TMEM230: variants seen among roughly 807,000 people sequenced by gnomAD.
TMEM230 encodes the protein transmembrane protein 230.
In TMEM230, 10 loss-of-function variants were observed where a neutral mutation model predicts 15.8. That is an observed-to-expected ratio of 0.63 (90% CI 0.39 to 1.07). TMEM230 has a LOEUF of 1.07. Ranked by LOEUF, TMEM230 falls within the 50% of genes least tolerant of loss-of-function variation. TMEM230 has a pLI of 0.01. For missense variants in TMEM230, 165 were observed against 193.3 expected, an observed-to-expected ratio of 0.85 and a Z score of 0.87; for synonymous variants, 67 against 76.9, an observed-to-expected ratio of 0.87 and a Z score of 0.68.
At chr20:5,112,743 C>T in intron 1 of TMEM230, 8 of 1,451,792 alleles carry the variant, frequency 5.5e-6, no homozygotes, top group Non-Finnish European at 7.2e-6. Context: ...ATTCTCCTAC[C>T]CGTCTTCAGA....
the TMEM230 span, chr20:5,061,447 C>T: frequency 1.3e-5 from 2 of 152,354 alleles, no homozygotes; most frequent in South Asian, 2.1e-4. Flanking sequence ...CCCTGAGTCA[C>T]ATCCTGCATT....
chr20:5,086,915 C>T lies in TMEM230; in HGVS notation c.223-17566G>A, dbSNP rs368750790. 2.5e-3 allele frequency among the ~76,000 whole-genome samples: 386 copies of T among 152,120 alleles called. 3 individuals are homozygous for T. The highest frequency in any genetic ancestry group is 8.9e-3 in the African/African-American group (371 of 41,514). On this transcript the variant is annotated intron_variant, in intron 3 of 3. Coordinates refer to the TMEM230 transcript ENST00000612323. ...TTTGACACAGAGTCCCACTCTGTCC[C>T]CCAGGCTGAGTGCAGTGGTGTGACC... is the stretch of plus-strand genomic sequence containing the variant.
At chr20:5,078,865 C>G (rs1403248242) in intron 3 of TMEM230, among the ~76,000 whole-genome samples, 1 of 152,156 alleles carries the variant, frequency 6.6e-6, no homozygotes, top group African/African-American at 2.4e-5. Context: ...TCATGGTTCC[C>G]TGCAGCCTCA....
intron 3 of TMEM230, among the ~76,000 whole-genome samples, chr20:5,081,435 C>T (rs2089170534): frequency 6.6e-6 from 1 of 152,160 alleles, no homozygotes; most frequent in East Asian, 1.9e-4. Flanking sequence ...GTCTGGCAGC[C>T]CACATGGTTC....
chr20:5,074,879 T>C (rs2088939998), intron 3 of TMEM230, among the ~76,000 whole-genome samples: 1 of 152,210 alleles, frequency 6.6e-6, no homozygotes, highest in Non-Finnish European at 1.5e-5. Flanking sequence ...CCCAGGTTTG[T>C]TTTGAACTCC....
chr20:5,095,008 C>T (rs2089625305), downstream of TMEM230, among the ~76,000 whole-genome samples: 4 of 152,160 alleles, frequency 2.6e-5, no homozygotes, highest in Admixed American at 2.6e-4. Flanking sequence ...CAGACCCTCC[C>T]AGGATGTGCT....
At chr20:5,092,500 C>T (rs757775703) in intron 3 of TMEM230, among the ~76,000 whole-genome samples, 8 of 152,084 alleles carry the variant, frequency 5.3e-5, no homozygotes, top group Non-Finnish European at 1.2e-4. Flanking sequence ...GGCGGATCAC[C>T]TGAGGTCGGG....
chr20:5,112,618 T>C, intron 1 of TMEM230: 2 of 1,152,446 alleles, frequency 1.7e-6, no homozygotes, highest in Admixed American at 4.0e-5. Context: ...ACAGGCTTTT[T>C]ACCAGCTCAC....
chr20:5,086,517 C>G (rs1234869054), intron 3 of TMEM230, among the ~76,000 whole-genome samples: 2 of 110,768 alleles, frequency 1.8e-5, no homozygotes, highest in East Asian at 5.2e-4. Context: ...CCAGCCTGGG[C>G]AACAGAGCCA....
At chr20:5,069,430 C>G in intron 3 of TMEM230, 1 of 1,409,978 alleles carries the variant, frequency 7.1e-7, no homozygotes, top group East Asian at 2.5e-5. Flanking sequence ...GTCAAGAAAT[C>G]ACATCTTATG....
chr20:5,063,277 ATTTTTTTTTTTT>A (rs1165126313), downstream of TMEM230, among the ~76,000 whole-genome samples: 658 of 86,434 alleles, frequency 7.6e-3, 9 homozygotes, highest in African/African-American at 0.035. Flanking sequence ...GCTGCTATGA[ATTTTTTTTTTTT>A]TTTTTTTTTT....
At chr20:5,087,151 G>C (rs746872625) in intron 3 of TMEM230, among the ~76,000 whole-genome samples, 1 of 152,166 alleles carries the variant, frequency 6.6e-6, no homozygotes, top group Non-Finnish European at 1.5e-5. Context: ...TGGGATTATA[G>C]GCATGAGCCG....
downstream of TMEM230, among the ~76,000 whole-genome samples, chr20:5,096,542 C>T (rs1290771676): frequency 6.6e-6 from 1 of 152,210 alleles, no homozygotes; most frequent in African/African-American, 2.4e-5. Context: ...AGTGCTGTTA[C>T]TGTCCTTCTA....
intron 2 of TMEM230, chr20:5,111,114 G>C (rs935906262): frequency 1.3e-5 from 2 of 151,668 alleles, no homozygotes; most frequent in Middle Eastern, 3.4e-3. Flanking sequence ...CCTGGGAGAC[G>C]GAGGTTACAG....
chr20:5,090,750 T>C (rs2089484409), intron 3 of TMEM230, among the ~76,000 whole-genome samples: 1 of 151,976 alleles, frequency 6.6e-6, no homozygotes, highest in Admixed American at 6.6e-5. Context: ...ATGACACAAT[T>C]ATATGGACAA....
At chr20:5,108,658 T>A (rs924583441) in intron 3 of TMEM230, among the ~76,000 whole-genome samples, 7 of 152,164 alleles carry the variant, frequency 4.6e-5, no homozygotes, top group Admixed American at 2.0e-4. Context: ...AAAGAGTAAT[T>A]TATTTATTTA....
intron 3 of TMEM230, among the ~76,000 whole-genome samples, chr20:5,087,744 A>G (rs2089387310): frequency 7.0e-6 from 1 of 141,860 alleles, no homozygotes; most frequent in African/African-American, 2.6e-5. Flanking sequence ...TTAGAATAGG[A>G]AATCCATATC....
chr20:5,095,439 G>A (rs988138397), downstream of TMEM230, among the ~76,000 whole-genome samples: 2 of 152,126 alleles, frequency 1.3e-5, no homozygotes, highest in African/African-American at 4.8e-5. Flanking sequence ...CTCCTGTCTC[G>A]ATTTCTCACT....
the TMEM230 span, among the ~76,000 whole-genome samples, chr20:5,060,432 G>A: frequency 6.8e-6 from 1 of 147,936 alleles, no homozygotes; most frequent in Admixed American, 6.9e-5. Context: ...CACCTCCCAG[G>A]TTCAAGCAAT....
Sources: gnomAD v4.1 joint callset for allele counts (sites outside exome capture counted in the v4.1 genomes callset) on GRCh38, gnomAD v4.1.1 for gene constraint, MANE v1.5 for transcripts, NCBI Gene and HGNC (gene_info 2026-07-23, HGNC 2026-07-21) for gene names.